Variants in TMEM33 observed in about 807,000 individuals in gnomAD.
TMEM33 encodes the protein transmembrane protein 33.
Under a neutral mutation model 29.7 loss-of-function variants are expected in TMEM33, and 16 were observed. The observed-to-expected ratio is 0.54, with a 90% CI of 0.36 to 0.82. The LOEUF is 0.82. TMEM33 is among the 40% of genes least tolerant of loss of function. The probability of loss-of-function intolerance (pLI) is 0.00; values close to 1 mark genes in which losing one functional copy is unlikely to be tolerated. For missense variants in TMEM33, 252 were observed against 295.3 expected (o/e 0.85, Z 1.08); for synonymous variants, 112 against 109.4 (o/e 1.02, Z -0.15).
Position 41,935,545 on chromosome 4 carries a change from G to A in TMEM33, c.45+16G>A. 6.2e-7 allele frequency: 1 copy of A among 1,600,106 alleles called. No individual in the cohort carries two copies. Among genetic ancestry groups the A allele is most frequent in the Non-Finnish European group, 8.5e-7 (1 of 1,173,396 alleles). ...GGGCGCTGTGGTAAGTGCGAGGGCA[G>A]GGTAGTCTGGCTTGATTTGCAAGAG... On this transcript the variant is annotated intron_variant, in intron 1 of 6. Transcript: ENST00000504986.
In TMEM33 at chr4:41,955,306, A is replaced by G. The variant is rs1216190347; in HGVS notation, c.*1107A>G. Reference sequence around the variant, plus strand: ...GCATTTCAGTCTCAACGCATAGATAAATTTAGGGGAATTGGATGTATTATT... The same window carrying G: ...GCATTTCAGTCTCAACGCATAGATAGATTTAGGGGAATTGGATGTATTATT... On this transcript the variant is annotated 3_prime_UTR_variant, in exon 7 of 7. Transcript: ENST00000504986. The G allele has an allele frequency of 6.6e-6, 1 of 152,486 alleles. No homozygotes were observed. The highest frequency in any genetic ancestry group is 1.5e-5 in the Non-Finnish European group (1 of 68,020). The allele number at this position is 152,486 out of a possible 1,614,324, so 9.4% of individuals were successfully genotyped here.
rs1713319345 is a variant in TMEM33, at chr4:41,957,536, T to A, written c.*3337T>A. ...TTCTAAGTTTAGGACATGAATATTA[T>A]TTTTTTCTGGAAAAGAAGATGAGTA... On this transcript the variant is annotated 3_prime_UTR_variant, in exon 7 of 7. Transcript: ENST00000504986. 6.6e-6 allele frequency: 1 copy of A among 152,034 alleles called. No homozygotes were observed. The highest frequency in any genetic ancestry group is 1.5e-5 in the Non-Finnish European group (1 of 67,978). 9.4% of individuals were successfully genotyped at this position (152,034 alleles called of 1,614,324 possible).
intron 1 of TMEM33, 141 bp downstream of exon 1, chr4:41,935,670 G>A (rs77918098): frequency 3.5e-6 from 3 of 846,676 alleles, no homozygotes; most frequent in Non-Finnish European, 1.8e-6. Flanking sequence ...GTTGGAGCGG[G>A]GAGAGGGGAG....
At position 41,954,191 on chromosome 4, in the gene TMEM33, G is replaced by T. The variant is rs763116106; in HGVS notation, c.736G>T (p.Val246Phe). Residue 246 changes from valine to phenylalanine, a missense_variant, in exon 7 of 7, where the codon GTT becomes TTT. Physicochemically the swap from Val to Phe is conservative, Grantham distance 50 (BLOSUM62 -1). Coordinates refer to ENST00000504986, the MANE Select transcript of TMEM33 (RefSeq NM_018126.3). ...IAFISRLAPT[V>F]P Reference sequence around the variant, plus strand: ...CTTTATAAGCAGATTGGCACCAACAGTTCCATAGTTTAACATCTAGTTAAG... The same window carrying T: ...CTTTATAAGCAGATTGGCACCAACATTTCCATAGTTTAACATCTAGTTAAG... 6.2e-7 allele frequency: 1 copy of T among 1,613,674 alleles called. No homozygotes were observed. Among genetic ancestry groups the T allele is most frequent in the Non-Finnish European group, 8.5e-7 (1 of 1,179,712 alleles).
At position 41,960,760 on chromosome 4, in the gene TMEM33, A is replaced by T. The variant is rs1713431114; in HGVS notation, c.*6561A>T. Among the ~76,000 whole-genome samples the T allele has an allele frequency of 6.6e-6, 1 of 152,050 alleles. No homozygotes were observed. The highest frequency in any genetic ancestry group is 6.5e-5 in the Admixed American group (1 of 15,268). On this transcript the variant is annotated 3_prime_UTR_variant, in exon 7 of 7. Transcript: ENST00000504986. ...CTGGTAAAAATGTGATCTAAGGTGT[A>T]ACTGGAAAAAAAAAGGAAAGAAAAA...
At position 41,939,537 on chromosome 4, in the gene TMEM33, C is replaced by T. The variant is rs534331260; in HGVS notation, c.328+154C>T. 2.6e-5 allele frequency among the ~76,000 whole-genome samples: 4 copies of T among 152,316 alleles called. No individual in the cohort carries two copies. The South Asian group carries it at 8.3e-4, about 32-fold the overall frequency. ...ATATGTTTAGTGTAAGAATTTCTGACTTTAAAATGTGAAATCTAAACTTTG... is the reference window on the plus strand; with the variant it reads ...ATATGTTTAGTGTAAGAATTTCTGATTTTAAAATGTGAAATCTAAACTTTG... On this transcript the variant is annotated intron_variant, in intron 3 of 6. Transcript: ENST00000504986.
chr4:41,944,638 T>G (rs1194399473), intron 4 of TMEM33, among the ~76,000 whole-genome samples, 155 bp from the exon 5 acceptor site: 1 of 152,202 alleles, frequency 6.6e-6, no homozygotes, highest in Non-Finnish European at 1.5e-5. Context: ...ATATACTATA[T>G]TTGTCCTTAA....
intron 6 of TMEM33, 60 bp downstream of exon 6, chr4:41,949,445 A>G (rs2153127632): frequency 7.5e-7 from 1 of 1,332,646 alleles, no homozygotes; most frequent in Non-Finnish European, 1.0e-6. Context: ...AATATATAGT[A>G]TTCGCAATTC....
chr4:41,939,015 A>G (rs1712386388), intron 2 of TMEM33, among the ~76,000 whole-genome samples, 181 bp from the exon 3 acceptor site: 1 of 152,030 alleles, frequency 6.6e-6, no homozygotes, highest in Non-Finnish European at 1.5e-5. Context: ...AATTGATTAT[A>G]AGAAATTCAG....
chr4:41,941,904 T>A (rs1037797527), intron 3 of TMEM33, among the ~76,000 whole-genome samples: 1 of 152,228 alleles, frequency 6.6e-6, no homozygotes, highest in African/African-American at 2.4e-5. Context: ...TTAAGAGTAA[T>A]GTTGAAGACT....
chr4:41,954,300 A>G lies in TMEM33; in HGVS notation c.*101A>G, dbSNP rs1170367957. 1.8e-5 allele frequency: 19 copies of G among 1,047,334 alleles called. No homozygotes were observed. Among genetic ancestry groups the G allele is most frequent in the Non-Finnish European group, 2.3e-5 (17 of 748,320 alleles). 64.9% of individuals were successfully genotyped at this position (1,047,334 alleles called of 1,614,324 possible). ...CCAGGTGTTACACTGACCTCAATCC[A>G]ATTTACATAATTTACATAAATGCAT... On this transcript the variant is annotated 3_prime_UTR_variant, in exon 7 of 7. Transcript: ENST00000504986.
rs1239140699 is a variant in TMEM33, at chr4:41,957,488, C to G, written c.*3289C>G. 6.6e-6 allele frequency: 1 copy of G among 151,766 alleles called. No homozygotes were observed. Among genetic ancestry groups the G allele is most frequent in the African/African-American group, 2.4e-5 (1 of 41,328 alleles). The allele number at this position is 151,766 out of a possible 1,614,324, so 9.4% of individuals were successfully genotyped here. On this transcript the variant is annotated 3_prime_UTR_variant, in exon 7 of 7. Coordinates refer to ENST00000504986, the MANE Select transcript of TMEM33 (RefSeq NM_018126.3). Reference sequence around the variant, plus strand: ...CAATACTTCCTTCTTCCTAAAAATCCAGATCAAAACTTCAGGTTAGGTTTC... The same window carrying G: ...CAATACTTCCTTCTTCCTAAAAATCGAGATCAAAACTTCAGGTTAGGTTTC...
At chr4:41,935,848 T>G (rs539313653) in intron 1 of TMEM33, among the ~76,000 whole-genome samples, 61 of 152,316 alleles carry the variant, frequency 4.0e-4, no homozygotes, top group Admixed American at 9.8e-4. Context: ...AGATGCCGCA[T>G]GAGATTGTGC....
chr4:41,945,069 C>A, intron 5 of TMEM33, 143 bp downstream of exon 5: 1 of 1,004,370 alleles, frequency 1.0e-6, no homozygotes, highest in Non-Finnish European at 1.4e-6. Context: ...CCTAATCTAA[C>A]CTTTGTCATT....
upstream of TMEM33, chr4:41,935,259 A>G: frequency 1.6e-6 from 1 of 619,200 alleles, no homozygotes; most frequent in Non-Finnish European, 2.9e-6. Flanking sequence ...GCGGTGCGGG[A>G]CAGGTACCTC....
upstream of TMEM33, chr4:41,935,222 C>T: frequency 1.7e-6 from 1 of 577,436 alleles, no homozygotes; most frequent in Non-Finnish European, 3.1e-6. Context: ...TCGCTCCCGT[C>T]TTTCTGGAAA....
intron 2 of TMEM33, 102 bp from the exon 3 acceptor site, chr4:41,939,094 A>G: frequency 8.6e-7 from 1 of 1,164,994 alleles, no homozygotes; most frequent in Non-Finnish European, 1.2e-6. Flanking sequence ...TTCTATTGAC[A>G]AGTGATTTAG....
chr4:41,943,881 A>G, intron 4 of TMEM33, 67 bp downstream of exon 4: 1 of 1,478,008 alleles, frequency 6.8e-7, no homozygotes, highest in South Asian at 1.1e-5. Flanking sequence ...GAGTTCTAAG[A>G]CATTTTGGTA....
Position 41,944,920 on chromosome 4 carries a change from T to G in TMEM33, c.524T>G (p.Leu175Arg), listed in dbSNP as rs769496470. ...CTGATGCCTGCGACAGTTTTTATGC[T>G]TTTTAGGTAAGGAAAAATTATATTT... ...IFLMPATVFM[L>R]FSGQGSLLQP... Residue 175 changes from leucine (L) to arginine (R), a missense_variant, in exon 5 of 7, where the codon CTT becomes CGT. Leu to Arg is a moderately radical substitution (Grantham distance 102, BLOSUM62 -2). Coordinates refer to ENST00000504986, the MANE Select transcript of TMEM33 (RefSeq NM_018126.3). The G allele has an allele frequency of 2.5e-6, 4 of 1,608,814 alleles. No individual in the cohort carries two copies.
Sources: gnomAD v4.1 joint callset for allele counts (sites outside exome capture counted in the v4.1 genomes callset) on GRCh38, gnomAD v4.1.1 for gene constraint, MANE v1.5 for transcripts, NCBI Gene and HGNC (gene_info 2026-07-23, HGNC 2026-07-21) for gene names.